Variants in HTR2A observed in about 807,000 individuals in gnomAD.
HTR2A encodes the protein 5-HT2 receptor.
HTR2A carries 14 observed loss-of-function variants against 31.0 expected under a neutral mutation model. The ratio of observed to expected loss-of-function variants is 0.45; its 90% confidence interval spans 0.30 to 0.71. HTR2A has a LOEUF of 0.71. Among genes scored for constraint, HTR2A ranks in the 30% least tolerant of loss-of-function variants. HTR2A has a pLI of 0.09. For synonymous variants in HTR2A, 209 were observed against 225.2 expected (o/e 0.93, Z 0.64); for missense variants, 442 against 573.3 (o/e 0.77, Z 2.34).
intron 3 of HTR2A, among the ~76,000 whole-genome samples, chr13:46,844,369 G>T (rs560749103): frequency 6.6e-6 from 1 of 152,298 alleles, no homozygotes; most frequent in East Asian, 1.9e-4. Context: ...CTTCATTTTT[G>T]TTGGGAAAAC....
intron 3 of HTR2A, among the ~76,000 whole-genome samples, chr13:46,860,919 G>A (rs1239997341): frequency 6.6e-6 from 1 of 152,158 alleles, no homozygotes; most frequent in Non-Finnish European, 1.5e-5. Context: ...AAAGCACAGG[G>A]AGCTTGATGA....
chr13:46,835,175 C>G lies in HTR2A; in HGVS notation c.1078G>C (p.Ala360Pro). The part of the protein sequence containing the change: ...KESCNEDVIG[A>P]LLNVFVWIGY... Reference sequence around the variant, plus strand: ...ATCCAAACAAACACATTGAGCAGGGCCCCAATGACATCCTCATTGCAGGAC... The same window carrying G: ...ATCCAAACAAACACATTGAGCAGGGGCCCAATGACATCCTCATTGCAGGAC... Residue 360 changes from alanine (A) to proline (P), a missense_variant, in exon 4 of 4, where the codon GCC (alanine) becomes CCC (proline). Physicochemically the swap from Ala to Pro is conservative, Grantham distance 27 (BLOSUM62 -1). Coordinates refer to ENST00000542664, the MANE Select transcript of HTR2A (RefSeq NM_000621.5). 2 of 1,614,064 alleles carry G rather than the reference C, an allele frequency of 1.2e-6. No homozygotes were observed. Among genetic ancestry groups the G allele is most frequent in the Non-Finnish European group, 8.5e-7 (1 of 1,179,960 alleles).
intron 3 of HTR2A, among the ~76,000 whole-genome samples, chr13:46,887,673 T>C (rs924023255): frequency 2.6e-5 from 4 of 151,974 alleles, no homozygotes; most frequent in Admixed American, 1.3e-4. Context: ...AATCTAGAAC[T>C]AAAAGTGTAG....
chr13:46,835,034 G>T lies in HTR2A; in HGVS notation c.1219C>A (p.Gln407Lys). 6.2e-7 allele frequency: 1 copy of T among 1,614,092 alleles called. No homozygotes were observed. Among genetic ancestry groups the T allele is most frequent in the Non-Finnish European group, 8.5e-7 (1 of 1,179,986 alleles). Residue 407 changes from glutamine to lysine, a missense_variant, in exon 4 of 4, where the codon CAG (glutamine) becomes AAG (lysine). This residue lies in a region of HTR2A where 88 missense variants were observed against 83.1 expected (regional missense o/e 1.06). Coordinates refer to ENST00000542664, the MANE Select transcript of HTR2A (RefSeq NM_000621.5). ...GGTATTGTGTTCACTAAAATTAACT[G>T]CAATGGTTTTTTGTTTTCCTTGTAC... ...CQYKENKKPLQLILVNTIPAL... is the reference protein window; with the variant it reads ...CQYKENKKPLKLILVNTIPAL...
intron 3 of HTR2A, among the ~76,000 whole-genome samples, chr13:46,838,932 A>G (rs527559547): frequency 6.6e-6 from 1 of 151,974 alleles, no homozygotes; most frequent in African/African-American, 2.4e-5. Context: ...TAAAATGCCA[A>G]ATTCTTTAAT....
At chr13:46,873,935 AAAG>A (rs1029303664) in intron 3 of HTR2A, among the ~76,000 whole-genome samples, 68 of 152,176 alleles carry the variant, frequency 4.5e-4, no homozygotes, top group African/African-American at 1.6e-3. Flanking sequence ...CCAGAATCTA[AAAG>A]AAGTTCATTC....
At chr13:46,870,394 C>A (rs1339456848) in intron 3 of HTR2A, among the ~76,000 whole-genome samples, 1 of 152,090 alleles carries the variant, frequency 6.6e-6, no homozygotes, top group East Asian at 1.9e-4. Flanking sequence ...GTATTAAAGT[C>A]ATTATAAAGC....
intron 3 of HTR2A, among the ~76,000 whole-genome samples, chr13:46,884,016 T>A (rs1373122154): frequency 2.6e-5 from 4 of 152,228 alleles, no homozygotes; most frequent in Non-Finnish European, 5.9e-5. Flanking sequence ...TAATCTATGA[T>A]GTGGTTACCG....
At position 46,895,303 on chromosome 13, in the gene HTR2A, C is replaced by CTG; in HGVS notation, c.412+191_412+192insCA. On this transcript the variant is annotated intron_variant, in intron 2 of 3. Coordinates refer to ENST00000542664, the MANE Select transcript of HTR2A (RefSeq NM_000621.5). The surrounding 1 kb of genome is among the most constrained non-coding windows in gnomAD (Gnocchi z 4.4). ...ACAAAACTCTCCAGTGATCACAGGTCATAGACTGTCTGATTTTTATGTGAA... is the reference window on the plus strand; with the variant it reads ...ACAAAACTCTCCAGTGATCACAGGTCTGATAGACTGTCTGATTTTTATGTGAA... The CTG allele has an allele frequency of 1.7e-6, 1 of 586,754 alleles. No individual in the cohort carries two copies. Among genetic ancestry groups the CTG allele is most frequent in the South Asian group, 2.1e-5 (1 of 46,676 alleles). 36.3% of individuals were successfully genotyped at this position (586,754 alleles called of 1,614,324 possible).
rs1951060879 is a variant in HTR2A, at chr13:46,892,383, C to A, written c.613+7G>T. ...CAAATGAGACTCTGAAATATGTTGC[C>A]ACTTACCTACTGATATGGTCCAAAC... On this transcript the variant is annotated splice_region_variant and intron_variant, in intron 3 of 3. Coordinates refer to ENST00000542664, the MANE Select transcript of HTR2A (RefSeq NM_000621.5). The A allele has an allele frequency of 6.2e-7, 1 of 1,612,386 alleles. No individual in the cohort carries two copies. Among genetic ancestry groups the A allele is most frequent in the Admixed American group, 1.7e-5 (1 of 59,996 alleles).
chr13:46,879,803 A>C (rs1442049532), intron 3 of HTR2A, among the ~76,000 whole-genome samples: 1 of 152,150 alleles, frequency 6.6e-6, no homozygotes, highest in Non-Finnish European at 1.5e-5. Flanking sequence ...CCAGGAGTTC[A>C]AGATCAGCCT....
intron 3 of HTR2A, among the ~76,000 whole-genome samples, chr13:46,843,784 T>C (rs1454975138): frequency 6.6e-6 from 1 of 152,142 alleles, no homozygotes. Context: ...CCAGGATTTC[T>C]ATGTAGCAGG....
At chr13:46,866,952 G>A (rs1349681426) in intron 3 of HTR2A, among the ~76,000 whole-genome samples, 1 of 152,176 alleles carries the variant, frequency 6.6e-6, no homozygotes, top group Non-Finnish European at 1.5e-5. Flanking sequence ...GCTTGACCTG[G>A]GAGGCAGAGG....
intron 3 of HTR2A, among the ~76,000 whole-genome samples, chr13:46,862,856 G>T (rs967587304): frequency 6.6e-6 from 1 of 152,128 alleles, no homozygotes; most frequent in African/African-American, 2.4e-5. Context: ...AAATTATAGG[G>T]GGATAATTAA....
In HTR2A at chr13:46,896,033, G is replaced by A. The variant is rs1951101691; in HGVS notation, c.-127C>T. ...GCTGGTGTACATGCTGTTCTCCCGG[G>A]GCTGGATTTTTGTCTTCCATTATTA... On this transcript the variant is annotated 5_prime_UTR_variant, in exon 2 of 4. Transcript: ENST00000542664. The A allele has an allele frequency of 1.4e-6, 2 of 1,423,680 alleles. No homozygotes were observed. Among genetic ancestry groups the A allele is most frequent in the African/African-American group, 2.9e-5 (2 of 69,506 alleles). 88.2% of individuals were successfully genotyped at this position (1,423,680 alleles called of 1,614,324 possible).
intron 3 of HTR2A, among the ~76,000 whole-genome samples, chr13:46,839,133 C>T (rs1220831625): frequency 3.3e-5 from 5 of 152,020 alleles, no homozygotes; most frequent in African/African-American, 9.7e-5. Context: ...AGAGGTTACA[C>T]GCAGAGCTGT....
rs763185752 is a variant in HTR2A at position 46,832,650 on chromosome 13, G to T, written c.*2187C>A. The T allele has an allele frequency of 3.9e-4, 60 of 152,196 alleles. 1 individual carries two copies. Among genetic ancestry groups the T allele is most frequent in the South Asian group, 6.2e-4 (3 of 4,832 alleles). The allele number at this position is 152,196 out of a possible 1,614,324, so 9.4% of individuals were successfully genotyped here. A position where few individuals can be genotyped will look rare whatever the true frequency, so the allele number is the denominator to read the frequency against. On this transcript the variant is annotated 3_prime_UTR_variant, in exon 4 of 4. Transcript: ENST00000542664. ...CAGTTAGTATGGTATATCATAAGGA[G>T]TAGTTCAGTTCAAATGCAGCCTTGG...
At chr13:46,859,313 C>T (rs1950762881) in intron 3 of HTR2A, among the ~76,000 whole-genome samples, 1 of 152,178 alleles carries the variant, frequency 6.6e-6, no homozygotes, top group Non-Finnish European at 1.5e-5. Context: ...AACACCTTCT[C>T]CAAACAGGTC....
chr13:46,877,343 C>CTCAACAGA (rs374085776), intron 3 of HTR2A, among the ~76,000 whole-genome samples: 304 of 151,732 alleles, frequency 2.0e-3, no homozygotes, highest in African/African-American at 7.1e-3. Flanking sequence ...AAATCAACAG[C>CTCAACAGA]TCAACAGCTC....
Sources: gnomAD v4.1 joint callset for allele counts (sites outside exome capture counted in the v4.1 genomes callset) on GRCh38, gnomAD v4.1.1 for gene constraint, gnomAD v4.1.1 regional missense constraint, Gnocchi (gnomAD v3.1) non-coding constraint, MANE v1.5 for transcripts, NCBI Gene and HGNC (gene_info 2026-07-23, HGNC 2026-07-21) for gene names.